Variants in ANGPT1 observed in about 807,000 individuals in gnomAD.
The protein encoded by ANGPT1 is angiopoietin 1.
ANGPT1 carries 17 observed loss-of-function variants against 62.2 expected under a neutral mutation model. The observed-to-expected ratio is 0.27, with a 90% CI of 0.19 to 0.41. ANGPT1 has a LOEUF of 0.41. Ranked by LOEUF, ANGPT1 falls within the 10% of genes least tolerant of loss-of-function variation. The pLI, the probability that ANGPT1 is intolerant of heterozygous loss-of-function variation, is 1.00. For missense variants in ANGPT1, 478 were observed against 594.9 expected (o/e 0.80, Z 2.04); for synonymous variants, 199 against 198.9 (o/e 1.00, Z 0.00).
At chr8:107,397,651 CG>C (rs1388481638) in intron 1 of ANGPT1, among the ~76,000 whole-genome samples, 1 of 152,020 alleles carries the variant, frequency 6.6e-6, no homozygotes, top group Non-Finnish European at 1.5e-5. Flanking sequence ...CTGGGGAGAC[CG>C]GGGAAGGTGG....
chr8:107,333,811 C>A (rs1406213337), intron 3 of ANGPT1, among the ~76,000 whole-genome samples: 1 of 150,754 alleles, frequency 6.6e-6, no homozygotes, highest in Non-Finnish European at 1.5e-5. Flanking sequence ...AGTGAGAATT[C>A]TATAGTAGGA....
intron 1 of ANGPT1, among the ~76,000 whole-genome samples, chr8:107,369,777 C>T (rs939591223): frequency 2.0e-5 from 3 of 151,970 alleles, no homozygotes; most frequent in African/African-American, 4.8e-5. Flanking sequence ...TACCACTTAT[C>T]GATGAAGTTC....
intron 1 of ANGPT1, among the ~76,000 whole-genome samples, chr8:107,469,711 T>A (rs573498422): frequency 6.6e-6 from 1 of 152,138 alleles, no homozygotes; most frequent in African/African-American, 2.4e-5. Context: ...AAATCTCAAA[T>A]GTTTTTCCAT....
intron 4 of ANGPT1, among the ~76,000 whole-genome samples, chr8:107,311,887 AC>A (rs1814874536): frequency 6.6e-6 from 1 of 151,846 alleles, no homozygotes; most frequent in African/African-American, 2.4e-5. Flanking sequence ...AAATGGTGAA[AC>A]CCCGTCTCTA....
intron 8 of ANGPT1, among the ~76,000 whole-genome samples, chr8:107,261,563 G>T (rs912207835): frequency 2.0e-5 from 3 of 151,890 alleles, no homozygotes; most frequent in African/African-American, 7.3e-5. Context: ...AAATTAGCCG[G>T]GCGTGGTGGC....
intron 1 of ANGPT1, among the ~76,000 whole-genome samples, chr8:107,354,726 T>A (rs1470601972): frequency 3.3e-5 from 5 of 152,184 alleles, no homozygotes; most frequent in Non-Finnish European, 7.3e-5. Flanking sequence ...CTGAATCGCT[T>A]AATCCCCAGG....
At chr8:107,475,083 A>G (rs1218880830) in intron 1 of ANGPT1, among the ~76,000 whole-genome samples, 1 of 152,198 alleles carries the variant, frequency 6.6e-6, no homozygotes, top group African/African-American at 2.4e-5. Flanking sequence ...AGACAAAAGT[A>G]CTTTAAAGTT....
chr8:107,485,554 C>G (rs1347963945), intron 1 of ANGPT1, among the ~76,000 whole-genome samples: 1 of 152,150 alleles, frequency 6.6e-6, no homozygotes, highest in East Asian at 1.9e-4. Flanking sequence ...CAATTGTCTA[C>G]AAGTAGCAGT....
At chr8:107,316,903 T>C (rs1255081993) in intron 4 of ANGPT1, among the ~76,000 whole-genome samples, 1 of 152,208 alleles carries the variant, frequency 6.6e-6, no homozygotes, top group African/African-American at 2.4e-5. Flanking sequence ...TTTGTAACTT[T>C]GGGCAAATTC....
At chr8:107,438,872 T>A (rs1406516671) in intron 1 of ANGPT1, among the ~76,000 whole-genome samples, 1 of 152,174 alleles carries the variant, frequency 6.6e-6, no homozygotes, top group Non-Finnish European at 1.5e-5. Flanking sequence ...AGAATGAATG[T>A]ATGCTACATA....
At chr8:107,272,445 T>C (rs1195126836) in intron 7 of ANGPT1, among the ~76,000 whole-genome samples, 1 of 152,022 alleles carries the variant, frequency 6.6e-6, no homozygotes, top group African/African-American at 2.4e-5. Context: ...ATGTCTCCCC[T>C]TCACTTACAA....
intron 8 of ANGPT1, among the ~76,000 whole-genome samples, chr8:107,252,977 G>A (rs565756898): frequency 3.1e-4 from 47 of 152,298 alleles, no homozygotes; most frequent in Admixed American, 3.3e-4. Flanking sequence ...TAAAGAAAGA[G>A]AAAGCTGTAC....
At chr8:107,449,427 C>CAG (rs1554595404) in intron 1 of ANGPT1, among the ~76,000 whole-genome samples, 2 of 147,482 alleles carry the variant, frequency 1.4e-5, no homozygotes, top group African/African-American at 2.5e-5. Flanking sequence ...CACACACACA[C>CAG]AGAAAACTTC....
intron 3 of ANGPT1, 112 bp from the exon 4 acceptor site, chr8:107,322,240 G>T: frequency 1.3e-6 from 1 of 763,926 alleles, no homozygotes; most frequent in Non-Finnish European, 2.1e-6. Flanking sequence ...ACATTTCACT[G>T]TAAAAATATT....
chr8:107,313,429 G>GT (rs71308720), intron 4 of ANGPT1, among the ~76,000 whole-genome samples: 884 of 64,178 alleles, frequency 0.014, 271 homozygotes, highest in African/African-American at 0.04. Flanking sequence ...GTTACTAGTT[G>GT]TTTTTTTTTT....
At chr8:107,281,507 AG>A (rs1215576056) in intron 7 of ANGPT1, among the ~76,000 whole-genome samples, 2 of 152,160 alleles carry the variant, frequency 1.3e-5, no homozygotes, top group Non-Finnish European at 1.5e-5. Flanking sequence ...GGCCCAGAGC[AG>A]TGGCTCACTC....
rs1158120942 is a variant in ANGPT1 at position 107,370,380 on chromosome 8, G to GAAA, written c.298-23286_298-23284dup. On this transcript the variant is annotated intron_variant, in intron 1 of 8. Coordinates refer to ENST00000517746, the MANE Select transcript of ANGPT1 (RefSeq NM_001146.5). ...AGAAAGAAAGAAAGAAAGAAAGAAA[G>GAAA]AAAGAAAGAAAGAAAGAAAGAAAGA... Among the ~76,000 whole-genome samples, 116 of 53,002 alleles carry GAAA rather than the reference G, an allele frequency of 2.2e-3. 14 individuals carry two copies. The highest frequency in any genetic ancestry group is 3.5e-3 in the South Asian group (4 of 1,154). 34.8% of individuals were successfully genotyped at this position (53,002 alleles called of 152,430 possible).
At chr8:107,474,906 T>C (rs1041044365) in intron 1 of ANGPT1, among the ~76,000 whole-genome samples, 3 of 152,176 alleles carry the variant, frequency 2.0e-5, no homozygotes, top group Non-Finnish European at 2.9e-5. Flanking sequence ...TAAGGAGAGC[T>C]ACAACCCACT....
intron 8 of ANGPT1, among the ~76,000 whole-genome samples, chr8:107,255,838 T>C (rs995770582): frequency 6.6e-6 from 1 of 152,062 alleles, no homozygotes; most frequent in East Asian, 1.9e-4. Flanking sequence ...TGGGGCAGAA[T>C]GTTTAGGCCA....
Sources: gnomAD v4.1 joint callset for allele counts (sites outside exome capture counted in the v4.1 genomes callset) on GRCh38, gnomAD v4.1.1 for gene constraint, MANE v1.5 for transcripts, NCBI Gene and HGNC (gene_info 2026-07-23, HGNC 2026-07-21) for gene names.